ATXN1: variants seen among roughly 807,000 people sequenced by gnomAD.
ATXN1 encodes ataxin 1.
A neutral mutation model predicts 56.4 loss-of-function variants in ATXN1; 8 were observed. The observed-to-expected ratio is 0.14, with a 90% CI of 0.08 to 0.26. ATXN1 has a LOEUF of 0.26. ATXN1 is among the 10% of genes least tolerant of loss of function. ATXN1 has a pLI of 1.00. For synonymous variants in ATXN1, 514 were observed against 494.6 expected (o/e 1.04, Z -0.52); for missense variants, 987 against 1,106.5 (o/e 0.89, Z 1.53).
At chr6:16,557,768 C>T (rs537249754) in intron 4 of ATXN1, among the ~76,000 whole-genome samples, 9 of 152,256 alleles carry the variant, frequency 5.9e-5, no homozygotes, top group Non-Finnish European at 7.4e-5. Flanking sequence ...AATAATTGGA[C>T]GGCCACCTAA....
At chr6:16,750,419 T>C (rs1464773322) in intron 2 of ATXN1, among the ~76,000 whole-genome samples, 1 of 152,186 alleles carries the variant, frequency 6.6e-6, no homozygotes, top group Non-Finnish European at 1.5e-5. Flanking sequence ...AGAACTATAA[T>C]GTAGGTTTAA....
intron 6 of ATXN1, among the ~76,000 whole-genome samples, chr6:16,466,621 T>C (rs193131564): frequency 1.6e-4 from 24 of 152,304 alleles, no homozygotes; most frequent in Admixed American, 1.1e-3. Context: ...TCACAACTTT[T>C]GCAATGTGAG....
intron 6 of ATXN1, among the ~76,000 whole-genome samples, chr6:16,353,109 A>C (rs1336151114): frequency 6.6e-6 from 1 of 152,174 alleles, no homozygotes; most frequent in African/African-American, 2.4e-5. Flanking sequence ...ACGCAACTTA[A>C]AACTTAGGAA....
intron 6 of ATXN1, among the ~76,000 whole-genome samples, chr6:16,368,343 CTTTTTTT>C (rs10527935): frequency 7.9e-5 from 6 of 75,872 alleles, no homozygotes; most frequent in Non-Finnish European, 1.4e-4. Context: ...ACTTCTTCTT[CTTTTTTT>C]TTTTTTTTTT....
At chr6:16,434,016 A>C (rs184577383) in intron 6 of ATXN1, among the ~76,000 whole-genome samples, 9 of 152,358 alleles carry the variant, frequency 5.9e-5, no homozygotes, top group Non-Finnish European at 1.0e-4. Flanking sequence ...AGACTGAAAC[A>C]AGTAAAACCC....
chr6:16,365,738 A>G (rs1191483717), intron 6 of ATXN1, among the ~76,000 whole-genome samples: 1 of 152,208 alleles, frequency 6.6e-6, no homozygotes, highest in Non-Finnish European at 1.5e-5. Flanking sequence ...AGGGAGGACA[A>G]TGGGAATCTG....
At chr6:16,658,360 T>C (rs1185795243) in intron 2 of ATXN1, among the ~76,000 whole-genome samples, 2 of 152,214 alleles carry the variant, frequency 1.3e-5, no homozygotes, top group African/African-American at 4.8e-5. Flanking sequence ...TAAAGAGCTA[T>C]TAAGATGGAA....
intron 5 of ATXN1, among the ~76,000 whole-genome samples, chr6:16,508,738 A>T (rs1429418013): frequency 1.3e-5 from 2 of 152,194 alleles, no homozygotes; most frequent in Non-Finnish European, 2.9e-5. Context: ...TTAAAAATAG[A>T]ATTGCCACGT....
intron 3 of ATXN1, among the ~76,000 whole-genome samples, chr6:16,633,545 A>G (rs1056294402): frequency 1.2e-4 from 19 of 152,112 alleles, no homozygotes; most frequent in Admixed American, 4.6e-4. Context: ...AATGCCTACT[A>G]TCTGCAGCCT....
chr6:16,331,890 T>C (rs1761000785), intron 6 of ATXN1, among the ~76,000 whole-genome samples: 2 of 152,268 alleles, frequency 1.3e-5, no homozygotes, highest in African/African-American at 4.8e-5. Flanking sequence ...TTAATTATAC[T>C]GTTTATTTGA....
At chr6:16,447,270 G>A (rs969605759) in intron 6 of ATXN1, among the ~76,000 whole-genome samples, 1 of 152,092 alleles carries the variant, frequency 6.6e-6, no homozygotes, top group East Asian at 1.9e-4. Flanking sequence ...TGTCACCCAC[G>A]TTAGAGTGCA....
At chr6:16,740,357 A>C (rs557180711) in intron 2 of ATXN1, among the ~76,000 whole-genome samples, 38 of 152,316 alleles carry the variant, frequency 2.5e-4, no homozygotes, top group Non-Finnish European at 4.7e-4. Context: ...TAGCAGAATA[A>C]AGCTGATTCA....
chr6:16,565,100 T>A (rs1762192667), intron 4 of ATXN1, among the ~76,000 whole-genome samples: 2 of 152,248 alleles, frequency 1.3e-5, no homozygotes, highest in South Asian at 4.1e-4. Flanking sequence ...TCCTGCATTC[T>A]GTTTCCCCAT....
intron 5 of ATXN1, among the ~76,000 whole-genome samples, chr6:16,519,843 G>A (rs373144831): frequency 6.6e-6 from 1 of 152,208 alleles, no homozygotes; most frequent in African/African-American, 2.4e-5. Flanking sequence ...AAGATGGACC[G>A]AGACAGGAGG....
intron 4 of ATXN1, among the ~76,000 whole-genome samples, chr6:16,585,441 T>C (rs1471600601): frequency 1.3e-5 from 2 of 152,236 alleles, no homozygotes; most frequent in Admixed American, 1.3e-4. Flanking sequence ...TAATCTCTAC[T>C]ACTTCTACAA....
intron 4 of ATXN1, among the ~76,000 whole-genome samples, chr6:16,562,097 G>A (rs1451844866): frequency 1.3e-5 from 2 of 152,152 alleles, no homozygotes; most frequent in African/African-American, 4.8e-5. Context: ...CAAATAGGCT[G>A]ATGCAGTGGC....
intron 2 of ATXN1, among the ~76,000 whole-genome samples, chr6:16,668,040 T>C (rs115613288): frequency 0.013 from 2,041 of 152,284 alleles, 31 homozygotes; most frequent in Middle Eastern, 0.027. Context: ...CTTTCGTAAC[T>C]ATTAATAGAT....
At position 16,306,437 on chromosome 6, in the gene ATXN1, G is replaced by A. The variant is rs1760252140; in HGVS notation, c.2340C>T (p.Arg780=). The A allele has an allele frequency of 1.9e-6, 3 of 1,614,196 alleles. No individual in the cohort carries two copies. The highest frequency in any genetic ancestry group is 2.5e-6 in the Non-Finnish European group (3 of 1,180,046). Residue 780 remains arginine, a synonymous_variant, in exon 8 of 8, where the codon CGC becomes CGT. Coordinates refer to ENST00000436367, the MANE Select transcript of ATXN1 (RefSeq NM_001128164.2). The surrounding 1 kb of genome is among the most constrained non-coding windows in gnomAD (Gnocchi z 5.2). ...GTTCGTCTTCTGACTTCTCCAGTTTGCGGCTCTCTGGCGCCGACCACCTCC... is the reference window on the plus strand; with the variant it reads ...GTTCGTCTTCTGACTTCTCCAGTTTACGGCTCTCTGGCGCCGACCACCTCC... ...RKRRWSAPES[R]KLEKSEDEPP...
chr6:16,760,399 G>C lies in ATXN1; in HGVS notation c.-730+899C>G, dbSNP rs1223283296. On this transcript the variant is annotated intron_variant, in intron 1 of 7. Coordinates refer to ENST00000436367, the MANE Select transcript of ATXN1 (RefSeq NM_001128164.2). The surrounding 1 kb of genome is among the most constrained non-coding windows in gnomAD (Gnocchi z 5.3). ...CGCCGGCCCGGACTGGGGCGCTCGC[G>C]GGCTCCCGGCTCCGGGCGGCGGCTG... 6.6e-6 allele frequency among the ~76,000 whole-genome samples: 1 copy of C among 151,420 alleles called. No individual in the cohort carries two copies. Among genetic ancestry groups the C allele is most frequent in the Non-Finnish European group, 1.5e-5 (1 of 67,774 alleles).
Sources: gnomAD v4.1 joint callset for allele counts (sites outside exome capture counted in the v4.1 genomes callset) on GRCh38, gnomAD v4.1.1 for gene constraint, Gnocchi (gnomAD v3.1) non-coding constraint, MANE v1.5 for transcripts, NCBI Gene and HGNC (gene_info 2026-07-23, HGNC 2026-07-21) for gene names.